RNGTT: variants seen among roughly 807,000 people sequenced by gnomAD.
RNGTT encodes the protein mRNA-capping enzyme.
RNGTT carries 33 observed loss-of-function variants against 79.3 expected under a neutral mutation model. That is an observed-to-expected ratio of 0.42 (90% CI 0.32 to 0.56). The LOEUF (loss-of-function observed/expected upper bound fraction) is 0.56, where lower values mean the gene tolerates loss of function less well. Ranked by LOEUF, RNGTT falls within the 20% of genes least tolerant of loss-of-function variation. The pLI is 0.17. For synonymous variants in RNGTT, 222 were observed against 235.9 expected (o/e 0.94, Z 0.54); for missense variants, 497 against 739.1 (o/e 0.67, Z 3.80).
At chr6:88,809,038 A>T (rs1780051261) in intron 11 of RNGTT, among the ~76,000 whole-genome samples, 1 of 152,164 alleles carries the variant, frequency 6.6e-6, no homozygotes, top group Admixed American at 6.5e-5. Context: ...TATAAAGTAC[A>T]GAGATGGAAA....
intron 4 of RNGTT, among the ~76,000 whole-genome samples, chr6:88,913,849 G>A (rs1783913661): frequency 6.6e-6 from 1 of 152,130 alleles, no homozygotes; most frequent in Non-Finnish European, 1.5e-5. Context: ...TACTAGAAGT[G>A]CTAGCAAGAG....
chr6:88,685,832 T>C (rs1775257234), intron 13 of RNGTT, among the ~76,000 whole-genome samples: 1 of 151,696 alleles, frequency 6.6e-6, no homozygotes, highest in Non-Finnish European at 1.5e-5. Flanking sequence ...ATAAATCAAA[T>C]CCTAGAGGAA....
chr6:88,660,158 T>C (rs925533519), intron 14 of RNGTT, among the ~76,000 whole-genome samples: 2 of 152,002 alleles, frequency 1.3e-5, no homozygotes, highest in Non-Finnish European at 1.5e-5. Context: ...AAGTTCTAAA[T>C]CTTAAAACCT....
At chr6:88,836,301 T>C (rs1374007644) in intron 11 of RNGTT, among the ~76,000 whole-genome samples, 3 of 145,944 alleles carry the variant, frequency 2.1e-5, no homozygotes, top group Non-Finnish European at 2.9e-5. Context: ...TAATATTCTC[T>C]CATGTCACTA....
intron 6 of RNGTT, among the ~76,000 whole-genome samples, chr6:88,897,730 A>G (rs556527493): frequency 2.8e-4 from 43 of 152,154 alleles, no homozygotes; most frequent in Non-Finnish European, 4.6e-4. Context: ...TTCTCAGTCA[A>G]CTGATAAGGA....
rs747557290 is a variant in RNGTT at position 88,612,706 on chromosome 6, T to A, written c.*13A>T. 9 of 1,608,348 alleles carry A rather than the reference T, an allele frequency of 5.6e-6. 1 individual carries two copies. The South Asian group carries it at 9.9e-5, about 18-fold the overall frequency. ...TTCCTCTTTCTTCTTAACCCTCAAG[T>A]CACAGGCAGGTCTTAGGTTAAAGGG... On this transcript the variant is annotated 3_prime_UTR_variant, in exon 16 of 16. Transcript: ENST00000369485.
In RNGTT at chr6:88,649,539, T is replaced by C. The variant is rs529013610; in HGVS notation, c.1506+28814A>G. 2.8e-4 allele frequency among the ~76,000 whole-genome samples: 42 copies of C among 151,820 alleles called. 1 individual carries two copies. Among genetic ancestry groups the C allele is most frequent in the African/African-American group, 1.0e-3 (42 of 41,416 alleles). On this transcript the variant is annotated intron_variant, in intron 14 of 15. Transcript: ENST00000369485. ...GGTGAAACCACGTCTTTAATAAAAA[T>C]ACAAAAAATTAGCTGGGCGTGGTGG...
chr6:88,662,515 A>G (rs1207672597), intron 14 of RNGTT, among the ~76,000 whole-genome samples: 2 of 152,224 alleles, frequency 1.3e-5, no homozygotes, highest in Non-Finnish European at 2.9e-5. Flanking sequence ...GAGTCTACCA[A>G]TGCTCCCAGC....
chr6:88,916,791 T>C (rs1400528560), intron 4 of RNGTT, among the ~76,000 whole-genome samples: 1 of 152,222 alleles, frequency 6.6e-6, no homozygotes, highest in Non-Finnish European at 1.5e-5. Context: ...CCAAAGCAAC[T>C]CCATCTTGGA....
intron 12 of RNGTT, among the ~76,000 whole-genome samples, chr6:88,797,479 C>CT (rs2127859935): frequency 6.6e-6 from 1 of 152,092 alleles, no homozygotes; most frequent in Admixed American, 6.5e-5. Context: ...AAAAGAAACT[C>CT]TAAGAAGAAA....
chr6:88,906,341 TC>T, intron 5 of RNGTT, 23 bp downstream of exon 5: 2 of 1,453,302 alleles, frequency 1.4e-6, no homozygotes, highest in Non-Finnish European at 9.4e-7. Context: ...AAATACATCT[TC>T]CATTATAACA....
At chr6:88,698,190 A>G in intron 13 of RNGTT, among the ~76,000 whole-genome samples, 1 of 117,834 alleles carries the variant, frequency 8.5e-6, no homozygotes, top group African/African-American at 3.7e-5. Context: ...TATATATATG[A>G]AATATATATG....
At position 88,730,245 on chromosome 6, in the gene RNGTT, T is replaced by C. The variant is rs114192055; in HGVS notation, c.1439+39529A>G. Among the ~76,000 whole-genome samples the C allele has an allele frequency of 4.5e-3, 682 of 152,312 alleles. 2 individuals are homozygous for C. The highest frequency in any genetic ancestry group is 0.016 in the African/African-American group (645 of 41,564). On this transcript the variant is annotated intron_variant, in intron 13 of 15. Transcript: ENST00000369485. Reference sequence around the variant, plus strand: ...TTCCTCAAAAAGCAACCTTTTTGGATTACCTGCTCCACCCTGACTCATTCC... The same window carrying C: ...TTCCTCAAAAAGCAACCTTTTTGGACTACCTGCTCCACCCTGACTCATTCC...
intron 6 of RNGTT, among the ~76,000 whole-genome samples, chr6:88,895,227 C>CTGTGTGTG (rs1491242715): frequency 9.9e-6 from 1 of 101,450 alleles, no homozygotes; most frequent in African/African-American, 4.1e-5. Flanking sequence ...TGAGAGAGAG[C>CTGTGTGTG]TCTGTGTGTG....
intron 6 of RNGTT, among the ~76,000 whole-genome samples, chr6:88,901,154 G>GA (rs879789746): frequency 0.024 from 2,826 of 116,070 alleles, 75 homozygotes; most frequent in African/African-American, 0.081. Flanking sequence ...AAAGAAAAAA[G>GA]AAAAAAAAAA....
intron 14 of RNGTT, 158 bp downstream of exon 14, chr6:88,678,195 A>G: frequency 1.6e-6 from 2 of 1,268,146 alleles, no homozygotes; most frequent in South Asian, 2.5e-5. Flanking sequence ...GGTTCCCAGC[A>G]TGGTCTCAAC....
intron 4 of RNGTT, among the ~76,000 whole-genome samples, chr6:88,913,501 C>CTAAT (rs1783903789): frequency 6.6e-6 from 1 of 152,090 alleles, no homozygotes; most frequent in East Asian, 1.9e-4. Context: ...CATCAAAAAG[C>CTAAT]TAATTCACTG....
chr6:88,771,490 T>A (rs995544969), intron 12 of RNGTT, among the ~76,000 whole-genome samples: 4 of 151,634 alleles, frequency 2.6e-5, no homozygotes, highest in African/African-American at 9.7e-5. Flanking sequence ...TCCTCAGACT[T>A]TTATTCTCCT....
chr6:88,808,395 C>T (rs1004483796), intron 11 of RNGTT, among the ~76,000 whole-genome samples: 53 of 151,722 alleles, frequency 3.5e-4, no homozygotes, highest in Admixed American at 1.0e-3. Context: ...CTAATAGGCC[C>T]AAAAAGTGGA....
Sources: allele counts gnomAD v4.1 joint callset (sites outside exome capture counted in the v4.1 genomes callset), GRCh38; gene constraint gnomAD v4.1.1; transcripts MANE v1.5; gene names NCBI Gene and HGNC (gene_info 2026-07-23, HGNC 2026-07-21).